The following SLC2A12 variants were observed in gnomAD, a reference collection of about 807,000 sequenced individuals.
The protein encoded by SLC2A12 is solute carrier family 2, facilitated glucose transporter member 12.
In SLC2A12, 23 loss-of-function variants were observed where a neutral mutation model predicts 41.8. The observed-to-expected ratio is 0.55, with a 90% CI of 0.40 to 0.78. The LOEUF (loss-of-function observed/expected upper bound fraction) is 0.78, where lower values mean the gene tolerates loss of function less well. Ranked by LOEUF, SLC2A12 falls within the 30% of genes least tolerant of loss-of-function variation. SLC2A12 has a pLI of 0.00. For missense variants in SLC2A12, 654 were observed against 745.6 expected (o/e 0.88, Z 1.43); for synonymous variants, 295 against 285.9 (o/e 1.03, Z -0.32).
At chr6:134,032,203 C>A (rs1238112260) in intron 1 of SLC2A12, among the ~76,000 whole-genome samples, 1 of 150,884 alleles carries the variant, frequency 6.6e-6, no homozygotes, top group Non-Finnish European at 1.5e-5. Flanking sequence ...TTGGCAGCCC[C>A]AAAAATAAGG....
At chr6:134,013,520 T>C (rs1776916498) in intron 2 of SLC2A12, among the ~76,000 whole-genome samples, 1 of 152,098 alleles carries the variant, frequency 6.6e-6, no homozygotes, top group East Asian at 1.9e-4. Context: ...GGGGAGTTTT[T>C]TTCTTTATTT....
At chr6:134,049,193 G>A (rs1773638115) in intron 1 of SLC2A12, among the ~76,000 whole-genome samples, 1 of 152,340 alleles carries the variant, frequency 6.6e-6, no homozygotes, top group Non-Finnish European at 1.5e-5. Flanking sequence ...CATCTTCAGA[G>A]GGGATAAAGG....
At chr6:134,007,886 A>G (rs1776834114) in intron 2 of SLC2A12, among the ~76,000 whole-genome samples, 3 of 152,224 alleles carry the variant, frequency 2.0e-5, no homozygotes, top group Admixed American at 2.0e-4. Context: ...AGAGCACTTA[A>G]GTGACAAACG....
intron 2 of SLC2A12, among the ~76,000 whole-genome samples, chr6:134,010,976 C>T (rs1330263974): frequency 6.6e-6 from 1 of 152,144 alleles, no homozygotes; most frequent in Non-Finnish European, 1.5e-5. Flanking sequence ...TCCAGGCACA[C>T]TTTCTGTTTG....
chr6:134,048,818 A>T (rs1773627713), intron 1 of SLC2A12, among the ~76,000 whole-genome samples: 1 of 152,174 alleles, frequency 6.6e-6, no homozygotes, highest in African/African-American at 2.4e-5. Context: ...CTCTTACTAG[A>T]ATCTGTCTTC....
rs950782660 is a variant in SLC2A12 at position 134,028,835 on chromosome 6, G to A, written c.990C>T (p.Ser330=). 11 of 1,614,062 alleles carry A rather than the reference G, an allele frequency of 6.8e-6. No individual in the cohort carries two copies. In the African/African-American group the frequency reaches 1.2e-4, roughly 18 times the overall value. Residue 330 remains serine, a synonymous_variant, in exon 2 of 5, where the codon AGC becomes AGT. Transcript: ENST00000275230. ...CTACAAGAAGAGTGGCAGGGATGGT[G>A]CTAATGACCTTGACGACTCCAACCC... ...STGVGVVKVI[S]TIPATLLVDH...
intron 2 of SLC2A12, among the ~76,000 whole-genome samples, chr6:134,015,930 G>A (rs1038907657): frequency 1.3e-5 from 2 of 152,112 alleles, no homozygotes; most frequent in African/African-American, 4.8e-5. Context: ...CCCTCCAATA[G>A]GCTGGTTCAG....
At chr6:134,002,728 A>C (rs1347057291) in intron 3 of SLC2A12, among the ~76,000 whole-genome samples, 2 of 152,154 alleles carry the variant, frequency 1.3e-5, no homozygotes, top group Non-Finnish European at 2.9e-5. Context: ...CTTGCAGTGT[A>C]TTTGTAATGT....
chr6:134,029,823 C>A, intron 1 of SLC2A12, 102 bp from the exon 2 acceptor site: 1 of 1,408,156 alleles, frequency 7.1e-7, no homozygotes, highest in Non-Finnish European at 9.4e-7. Context: ...TTTCATAGCA[C>A]TGGGTTTAAA....
At chr6:134,018,753 A>ATTT (rs56773136) in intron 2 of SLC2A12, among the ~76,000 whole-genome samples, 5,688 of 150,080 alleles carry the variant, frequency 0.038, 174 homozygotes, top group East Asian at 0.12. Flanking sequence ...AGGTGTGTTC[A>ATTT]TTTTTTTTTT....
At chr6:134,038,316 T>A (rs1301987171) in intron 1 of SLC2A12, among the ~76,000 whole-genome samples, 1 of 151,528 alleles carries the variant, frequency 6.6e-6, no homozygotes, top group African/African-American at 2.4e-5. Flanking sequence ...TTTTTCTGCC[T>A]GATTATGTGT....
At chr6:134,039,765 G>C (rs911195880) in intron 1 of SLC2A12, among the ~76,000 whole-genome samples, 1 of 152,206 alleles carries the variant, frequency 6.6e-6, no homozygotes, top group African/African-American at 2.4e-5. Context: ...GGGCCCTTAT[G>C]AATGGCTTGG....
intron 2 of SLC2A12, among the ~76,000 whole-genome samples, chr6:134,014,036 G>T (rs191678391): frequency 6.6e-6 from 1 of 152,276 alleles, no homozygotes; most frequent in Admixed American, 6.5e-5. Context: ...ATCATGGAAG[G>T]AGTGCGCTTC....
At chr6:134,038,839 G>T (rs918914559) in intron 1 of SLC2A12, among the ~76,000 whole-genome samples, 3 of 150,626 alleles carry the variant, frequency 2.0e-5, no homozygotes, top group African/African-American at 7.4e-5. Flanking sequence ...TGAGTAGCTG[G>T]GATTACAGGT....
intron 1 of SLC2A12, among the ~76,000 whole-genome samples, chr6:134,040,079 G>GTTTTTT (rs891491555): frequency 1.0e-4 from 13 of 128,468 alleles, no homozygotes; most frequent in African/African-American, 3.1e-4. Flanking sequence ...TTTGTTTTTT[G>GTTTTTT]TTTTTTGTTT....
At chr6:134,024,156 T>C (rs1267777085) in intron 2 of SLC2A12, among the ~76,000 whole-genome samples, 1 of 152,244 alleles carries the variant, frequency 6.6e-6, no homozygotes, top group African/African-American at 2.4e-5. Flanking sequence ...TAGACTGGGC[T>C]CTGGGAGAAG....
intron 1 of SLC2A12, among the ~76,000 whole-genome samples, chr6:134,039,988 C>G (rs1777358549): frequency 6.6e-6 from 1 of 152,066 alleles, no homozygotes; most frequent in Admixed American, 6.6e-5. Context: ...CCTGAATAAC[C>G]TGCAGAATGG....
At chr6:134,045,370 C>T (rs1777443615) in intron 1 of SLC2A12, among the ~76,000 whole-genome samples, 1 of 152,156 alleles carries the variant, frequency 6.6e-6, no homozygotes, top group Non-Finnish European at 1.5e-5. Flanking sequence ...AGGTTCAGAT[C>T]ACTGTGCTGT....
intron 2 of SLC2A12, among the ~76,000 whole-genome samples, chr6:134,022,865 A>C (rs1010666581): frequency 6.6e-6 from 1 of 152,224 alleles, no homozygotes; most frequent in African/African-American, 2.4e-5. Context: ...TTCCTGTAAC[A>C]GGACTTATTG....
Sources: allele counts gnomAD v4.1 joint callset (sites outside exome capture counted in the v4.1 genomes callset), GRCh38; gene constraint gnomAD v4.1.1; transcripts MANE v1.5; gene names NCBI Gene and HGNC (gene_info 2026-07-23, HGNC 2026-07-21).